The following SETD2 variants were observed in gnomAD, a reference collection of about 807,000 sequenced individuals.
The protein encoded by SETD2 is histone-lysine N-methyltransferase SETD2.
SETD2 carries 31 observed loss-of-function variants against 242.1 expected under a neutral mutation model. The ratio of observed to expected loss-of-function variants is 0.13; its 90% CI spans 0.10 to 0.17. The LOEUF is 0.17. Ranked by LOEUF, SETD2 falls within the 10% of genes least tolerant of loss-of-function variation. The probability of loss-of-function intolerance (pLI) is 1.00; values close to 1 mark genes in which losing one functional copy is unlikely to be tolerated. For synonymous variants in SETD2, 1,006 were observed against 1,066.5 expected (o/e 0.94, Z 1.11); for missense variants, 2,481 against 3,046.3 (o/e 0.81, Z 4.37).
intron 1 of SETD2, among the ~76,000 whole-genome samples, chr3:47,133,241 G>A (rs1429409673): frequency 6.6e-6 from 1 of 152,092 alleles, no homozygotes; most frequent in African/African-American, 2.4e-5. Flanking sequence ...ATTTTTTGTA[G>A]AGACAGGGGT....
intron 10 of SETD2, among the ~76,000 whole-genome samples, chr3:47,086,726 G>GTT (rs987420764): frequency 6.9e-6 from 1 of 144,590 alleles, no homozygotes; most frequent in Non-Finnish European, 1.5e-5. Context: ...TTTCCTGTTA[G>GTT]TTTTTTTTTT....
intron 1 of SETD2, among the ~76,000 whole-genome samples, chr3:47,132,431 G>A (rs1380789463): frequency 6.6e-6 from 1 of 152,128 alleles, no homozygotes; most frequent in African/African-American, 2.4e-5. Flanking sequence ...AAGTTACAGT[G>A]AGCAGAGATT....
chr3:47,021,117 G>T (rs1559637102), intron 18 of SETD2, among the ~76,000 whole-genome samples: 1 of 152,082 alleles, frequency 6.6e-6, no homozygotes, highest in African/African-American at 2.4e-5. Context: ...TTTTGCTTTG[G>T]GATTTTGTTA....
chr3:47,020,352 T>A (rs1275751441), intron 18 of SETD2, among the ~76,000 whole-genome samples: 3 of 152,012 alleles, frequency 2.0e-5, no homozygotes, highest in African/African-American at 7.3e-5. Flanking sequence ...GTACCTTCAG[T>A]TTAGGAACAG....
At chr3:47,139,932 G>GTA (rs997497464) in intron 1 of SETD2, among the ~76,000 whole-genome samples, 64 of 152,084 alleles carry the variant, frequency 4.2e-4, no homozygotes, top group Non-Finnish European at 7.4e-5. Flanking sequence ...AACTGGTATA[G>GTA]TATCTCAAAC....
intron 6 of SETD2, 71 bp downstream of exon 6, chr3:47,105,923 AAAT>A (rs1429042902): frequency 1.2e-5 from 18 of 1,443,212 alleles, no homozygotes; most frequent in Non-Finnish European, 1.2e-5. Context: ...AAAAAAAAAA[AAAT>A]CAAATCAGTA....
intron 15 of SETD2, among the ~76,000 whole-genome samples, chr3:47,056,570 T>C (rs746048516): frequency 5.3e-5 from 8 of 152,200 alleles, no homozygotes; most frequent in Non-Finnish European, 1.0e-4. Context: ...ACTGCAGCCA[T>C]GGCCAACAGC....
rs781782105 is a variant in SETD2 at position 47,037,669 on chromosome 3, C to T, written c.7347G>A (p.Met2449Ile). The T allele has an allele frequency of 6.2e-7, 1 of 1,611,524 alleles. No individual in the cohort carries two copies. Among genetic ancestry groups the T allele is most frequent in the East Asian group, 2.2e-5 (1 of 44,840 alleles). Residue 2449 changes from methionine to isoleucine, a missense_variant, in exon 18 of 21, where the codon ATG (methionine) becomes ATA (isoleucine). This residue lies in a region of SETD2 where 40 missense variants were observed against 89.5 expected (regional missense o/e 0.45). Transcript: ENST00000409792. Reference protein sequence around the residue: ...LGTPTYDENPMKASKKPKTAE... With the variant: ...LGTPTYDENPIKASKKPKTAE... The stretch of plus-strand genomic sequence containing the variant: ...TACATGTGTAAGCCACACTCACCTT[C>T]ATGGGGTTTTCATCATATGTTGGAG...
chr3:47,163,628 G>C, intron 1 of SETD2: 1 of 240,102 alleles, frequency 4.2e-6, no homozygotes. Flanking sequence ...CCGCCGCCGC[G>C]ACACGAGCAG....
chr3:47,144,381 G>T lies in SETD2; in HGVS notation c.72-17718C>A, dbSNP rs1365521286. Among the ~76,000 whole-genome samples, 5 of 152,268 alleles carry T rather than the reference G, an allele frequency of 3.3e-5. No homozygotes were observed. In the East Asian group the frequency reaches 9.7e-4, roughly 29 times the overall value. ...CAGCCGGGTGCAGTGGCTCATGCCT[G>T]TAATCCCAGCACTTTGGGAGACCGA... On this transcript the variant is annotated intron_variant, in intron 1 of 20. Transcript: ENST00000409792.
At chr3:47,140,384 T>C (rs1462190608) in intron 1 of SETD2, among the ~76,000 whole-genome samples, 1 of 152,238 alleles carries the variant, frequency 6.6e-6, no homozygotes, top group African/African-American at 2.4e-5. Flanking sequence ...TTGAAGACTA[T>C]TGTATTCAAT....
rs199739297 is a variant in SETD2, at chr3:47,046,537, C to A, written c.7048G>T (p.Ala2350Ser). 10 of 1,612,990 alleles carry A rather than the reference C, an allele frequency of 6.2e-6. No homozygotes were observed. In the African/African-American group the frequency reaches 1.3e-4, roughly 22 times the overall value. The change falls in exon 16 of 21, where the codon GCA becomes TCA. Residue 2350 changes from alanine (A) to serine (S), a missense_variant. Physicochemically the swap from Ala to Ser is moderately conservative, Grantham distance 99. Transcript: ENST00000409792. ...HPQGVVVQPAAAVTTIVAPGQ... is the reference protein window; with the variant it reads ...HPQGVVVQPASAVTTIVAPGQ... ...GGTGCAACTATTGTAGTCACTGCTG[C>A]GGCTGGCTGTACCACCACTCCTTGT...
intron 1 of SETD2, among the ~76,000 whole-genome samples, chr3:47,144,395 T>C (rs1193455259): frequency 6.6e-6 from 1 of 152,112 alleles, no homozygotes; most frequent in African/African-American, 2.4e-5. Flanking sequence ...TCCCAGCACT[T>C]TGGGAGACCG....
chr3:47,126,203 G>A (rs763780129), intron 2 of SETD2, among the ~76,000 whole-genome samples: 1 of 152,122 alleles, frequency 6.6e-6, no homozygotes, highest in Non-Finnish European at 1.5e-5. Context: ...CTTATTTTTA[G>A]TAGAGATGGG....
chr3:47,121,554 G>A lies in SETD2; in HGVS notation c.3082C>T (p.Pro1028Ser), dbSNP rs542200700. 1 of 1,614,014 alleles carries A rather than the reference G, an allele frequency of 6.2e-7. No homozygotes were observed. Among genetic ancestry groups the A allele is most frequent in the East Asian group, 2.2e-5 (1 of 44,866 alleles). ...TCATGAACTGTAGACACAATTTCTG[G>A]GGCATGACCACTACTGTCACACTTT... ...ALKCDSSGHA[P>S]EIVSTVHEDY... The change falls in exon 3 of 21, where the codon CCA (proline) becomes TCA (serine). Residue 1028 changes from proline to serine, a missense_variant. Around this residue, in one of 17 missense-constraint regions of SETD2, gnomAD observed 1,300 missense variants for 1,259.2 expected, o/e 1.03. Coordinates refer to ENST00000409792, the MANE Select transcript of SETD2 (RefSeq NM_014159.7).
intron 15 of SETD2, among the ~76,000 whole-genome samples, chr3:47,048,268 A>G (rs892738257): frequency 6.6e-6 from 1 of 152,190 alleles, no homozygotes; most frequent in Non-Finnish European, 1.5e-5. Flanking sequence ...ATGCACCTGT[A>G]GTCCCAGCCA....
intron 1 of SETD2, among the ~76,000 whole-genome samples, chr3:47,160,431 G>T (rs547941360): frequency 1.4e-4 from 22 of 151,838 alleles, no homozygotes; most frequent in African/African-American, 5.1e-4. Flanking sequence ...CTCCCGAGTA[G>T]CTGGGATTAC....
chr3:47,052,304 T>G (rs1459841332), intron 15 of SETD2, among the ~76,000 whole-genome samples: 2 of 152,126 alleles, frequency 1.3e-5, no homozygotes, highest in African/African-American at 4.8e-5. Flanking sequence ...CCCAAATAGC[T>G]GGGACCACAG....
rs1479130955 is a variant in SETD2, at chr3:47,121,018, A to C, written c.3618T>G (p.Ser1206=). 1 of 1,614,104 alleles carries C rather than the reference A, an allele frequency of 6.2e-7. No individual in the cohort carries two copies. Among genetic ancestry groups the C allele is most frequent in the Admixed American group, 1.7e-5 (1 of 60,010 alleles). ...TATTTGGGACATCTTCAAAATCAGA[A>C]GAATAAATTGGCAGCTCTTCTTGCT... ...SRQQEELPIY[S]SDFEDVPNKS... The change falls in exon 3 of 21, where the codon TCT becomes TCG. Residue 1206 remains serine (S), a synonymous_variant. Transcript: ENST00000409792.
Sources: allele counts gnomAD v4.1 joint callset (sites outside exome capture counted in the v4.1 genomes callset), GRCh38; gene constraint gnomAD v4.1.1; regional missense constraint gnomAD v4.1.1; transcripts MANE v1.5; gene names NCBI Gene and HGNC (gene_info 2026-07-23, HGNC 2026-07-21).